LSP1: variants seen among roughly 807,000 people sequenced by gnomAD.
The protein encoded by LSP1 is lymphocyte-specific protein 1.
LSP1 carries 32 observed loss-of-function variants against 49.3 expected under a neutral mutation model. The ratio of observed to expected loss-of-function variants is 0.65; its 90% confidence interval spans 0.49 to 0.87. LSP1 has a LOEUF of 0.87. Ranked by LOEUF, LSP1 falls within the 40% of genes least tolerant of loss-of-function variation. LSP1 has a pLI of 0.00. For synonymous variants in LSP1, 179 were observed against 178.8 expected (o/e 1.00, Z -0.01); for missense variants, 428 against 442.6 (o/e 0.97, Z 0.30).
intron 1 of LSP1, among the ~76,000 whole-genome samples, chr11:1,873,391 C>T (rs760516286): frequency 1.2e-4 from 18 of 151,798 alleles, no homozygotes; most frequent in South Asian, 6.2e-4. Flanking sequence ...CATGGGTCAG[C>T]GCTGGTTTCT....
chr11:1,873,619 GGAAGGA>G (rs1414642956), intron 1 of LSP1, among the ~76,000 whole-genome samples: 1 of 146,430 alleles, frequency 6.8e-6, no homozygotes, highest in Non-Finnish European at 1.6e-5. Context: ...AGGGAAGGAG[GGAAGGA>G]GAAGGAGAAG....
At chr11:1,862,360 T>G (rs1013577198) in intron 1 of LSP1, among the ~76,000 whole-genome samples, 2 of 152,232 alleles carry the variant, frequency 1.3e-5, no homozygotes, top group Non-Finnish European at 2.9e-5. Context: ...CCATCAGCAT[T>G]TCTGACAGAT....
At chr11:1,874,046 A>G (rs1848184775) in intron 1 of LSP1, among the ~76,000 whole-genome samples, 1 of 119,484 alleles carries the variant, frequency 8.4e-6, no homozygotes, top group Admixed American at 8.2e-5. Flanking sequence ...CAGAGGAGGG[A>G]GGCTGGCAGA....
In LSP1 at chr11:1,870,934, G is replaced by A. The variant is rs897980977; in HGVS notation, c.54-9153G>A. The A allele has an allele frequency of 1.4e-5, 14 of 985,694 alleles. No homozygotes were observed. The South Asian group carries it at 3.3e-4, about 23-fold the overall frequency. The allele number at this position is 985,694 out of a possible 1,614,324, so 61.1% of individuals were successfully genotyped here. On this transcript the variant is annotated intron_variant, in intron 1 of 10. Transcript: ENST00000311604. ...CGCCGCAGCGCTCCCGAGGGCCGTC[G>A]AGCAAAGGCGGGAGGCGCAGCCGGG...
At chr11:1,889,226 A>AG in intron 10 of LSP1, 1 of 675,340 alleles carries the variant, frequency 1.5e-6, no homozygotes, top group Non-Finnish European at 2.7e-6. Context: ...GGACTGTGGG[A>AG]GGGGGCCGGG....
chr11:1,853,111 T>C lies in LSP1; in HGVS notation c.-34T>C, dbSNP rs373410554. 1 of 1,600,460 alleles carries C rather than the reference T, an allele frequency of 6.2e-7. No homozygotes were observed. Among genetic ancestry groups the C allele is most frequent in the South Asian group, 1.1e-5 (1 of 88,696 alleles). ...AGCACGTACACCCACTCCAGGGATC[T>C]GCCAGCACCCTGTGGGGCCCAGACT... On this transcript the variant is annotated 5_prime_UTR_variant, in exon 1 of 11. Transcript: ENST00000311604.
In LSP1 at chr11:1,884,258, T is replaced by G; in HGVS notation, c.592-22T>G. 2 of 1,613,850 alleles carry G rather than the reference T, an allele frequency of 1.2e-6. No individual in the cohort carries two copies. Among genetic ancestry groups the G allele is most frequent in the South Asian group, 2.2e-5 (2 of 91,070 alleles). On this transcript the variant is annotated intron_variant, in intron 5 of 10. Transcript: ENST00000311604. This position sits in a 1 kb window ranked among gnomAD's most constrained non-coding sequence, Gnocchi z 4.1. ...CTTTACCTCGGCTGCTGCAGGCCTGTGTCTCTCTCCACCCTCTGCAGCTCA... is the reference window on the plus strand; with the variant it reads ...CTTTACCTCGGCTGCTGCAGGCCTGGGTCTCTCTCCACCCTCTGCAGCTCA...
chr11:1,853,278 C>A, intron 1 of LSP1, 81 bp downstream of exon 1: 1 of 1,437,586 alleles, frequency 7.0e-7, no homozygotes, highest in Admixed American at 2.5e-5. Context: ...GGGTGGAGAA[C>A]TGAGGTGCCT....
chr11:1,871,759 C>A (rs1413431097), intron 1 of LSP1, among the ~76,000 whole-genome samples: 1 of 149,904 alleles, frequency 6.7e-6, no homozygotes, highest in African/African-American at 2.5e-5. Flanking sequence ...GCGGGCAGGC[C>A]TGGGCTGTAG....
chr11:1,864,573 C>T (rs760466262), intron 1 of LSP1, among the ~76,000 whole-genome samples: 9 of 152,018 alleles, frequency 5.9e-5, no homozygotes, highest in Admixed American at 1.3e-4. Context: ...GGAGAGTTTT[C>T]GCTCTGACAT....
At chr11:1,886,413 A>G (rs1848750569) in intron 7 of LSP1, among the ~76,000 whole-genome samples, 2 of 152,138 alleles carry the variant, frequency 1.3e-5, no homozygotes. Context: ...AAATTTAACC[A>G]TTGTCCCTCT....
intron 1 of LSP1, among the ~76,000 whole-genome samples, chr11:1,872,192 G>T (rs1212848258): frequency 8.8e-5 from 11 of 125,356 alleles, no homozygotes; most frequent in African/African-American, 1.9e-4. Context: ...CGGCTGGCGT[G>T]GGCACCTTTG....
At chr11:1,889,106 A>G in intron 10 of LSP1, 1 of 598,620 alleles carries the variant, frequency 1.7e-6, no homozygotes, top group African/African-American at 1.9e-5. Context: ...TCTTCTGTCC[A>G]TCCCATGGTC....
At chr11:1,856,387 C>A (rs1333930881) in intron 1 of LSP1, among the ~76,000 whole-genome samples, 1 of 152,248 alleles carries the variant, frequency 6.6e-6, no homozygotes, top group African/African-American at 2.4e-5. Context: ...GTGTCAGAGC[C>A]CTGGCACATG....
chr11:1,861,691 GTGGGTGGATGGA>G (rs1847634025), intron 1 of LSP1, among the ~76,000 whole-genome samples: 4 of 125,242 alleles, frequency 3.2e-5, no homozygotes, highest in Non-Finnish European at 3.3e-5. Flanking sequence ...GGGTGGATGG[GTGGGTGGATGGA>G]TGGATGGATG....
intron 1 of LSP1, among the ~76,000 whole-genome samples, chr11:1,864,852 G>C (rs555062454): frequency 1.2e-4 from 18 of 152,032 alleles, no homozygotes; most frequent in African/African-American, 3.9e-4. Context: ...CAGAGGGAGG[G>C]ACCAGGCTGC....
chr11:1,886,252 C>A (rs1179797582), intron 7 of LSP1, among the ~76,000 whole-genome samples: 1 of 152,078 alleles, frequency 6.6e-6, no homozygotes, highest in Non-Finnish European at 1.5e-5. Context: ...CAATACTACT[C>A]CATTCAATCA....
chr11:1,889,191 TG>T (rs1848878496), intron 10 of LSP1: 2 of 675,160 alleles, frequency 3.0e-6, no homozygotes, highest in Non-Finnish European at 5.5e-6. Flanking sequence ...GTTCTTGGGC[TG>T]GGGGCTCAGC....
intron 1 of LSP1, among the ~76,000 whole-genome samples, chr11:1,860,785 A>T (rs1847608837): frequency 6.6e-6 from 1 of 152,194 alleles, no homozygotes; most frequent in Non-Finnish European, 1.5e-5. Flanking sequence ...TGGATGATGG[A>T]TGAATGGGTG....
Sources: allele counts gnomAD v4.1 joint callset (sites outside exome capture counted in the v4.1 genomes callset), GRCh38; gene constraint gnomAD v4.1.1; non-coding constraint Gnocchi (gnomAD v3.1); transcripts MANE v1.5; gene names NCBI Gene and HGNC (gene_info 2026-07-23, HGNC 2026-07-21).